The following NOL4 variants were observed in gnomAD, a reference collection of about 807,000 sequenced individuals.
NOL4 encodes nucleolar protein 4.
In NOL4, 17 loss-of-function variants were observed where a neutral mutation model predicts 75.9. The ratio of observed to expected loss-of-function variants is 0.22; its 90% CI spans 0.15 to 0.34. The LOEUF (loss-of-function observed/expected upper bound fraction) is 0.34. NOL4 is among the 10% of genes least tolerant of loss of function. The pLI is 1.00. For missense variants in NOL4, 614 were observed against 793.5 expected (o/e 0.77, Z 2.72); for synonymous variants, 292 against 289.9 (o/e 1.01, Z -0.07).
At chr18:33,960,201 T>G (rs1301947223) in intron 6 of NOL4, among the ~76,000 whole-genome samples, 1 of 152,032 alleles carries the variant, frequency 6.6e-6, no homozygotes, top group African/African-American at 2.4e-5. Context: ...TTTAAATAAT[T>G]TATTAGTGCT....
At chr18:34,178,328 T>A (rs2033736070) in intron 1 of NOL4, among the ~76,000 whole-genome samples, 2 of 151,568 alleles carry the variant, frequency 1.3e-5, no homozygotes, top group Admixed American at 1.3e-4. Context: ...AAGAAGGAAT[T>A]GCGGGGAAGA....
chr18:34,181,213 G>C (rs1002925208), intron 1 of NOL4, among the ~76,000 whole-genome samples: 1 of 151,366 alleles, frequency 6.6e-6, no homozygotes, highest in Admixed American at 6.6e-5. Context: ...GTATTAGAAC[G>C]AAGATAGACA....
intron 1 of NOL4, among the ~76,000 whole-genome samples, chr18:34,155,644 T>C (rs545572942): frequency 6.6e-6 from 1 of 152,182 alleles, no homozygotes; most frequent in Non-Finnish European, 1.5e-5. Flanking sequence ...CAGTGGGTAT[T>C]TATATATTTA....
At chr18:34,037,322 G>A (rs76082245) in intron 5 of NOL4, among the ~76,000 whole-genome samples, 1,995 of 152,048 alleles carry the variant, frequency 0.013, 47 homozygotes, top group African/African-American at 0.046. Context: ...AAGAATTAAT[G>A]TTGTTAAATG....
chr18:33,890,448 C>T (rs1258772496), intron 9 of NOL4, among the ~76,000 whole-genome samples: 4 of 152,012 alleles, frequency 2.6e-5, no homozygotes, highest in African/African-American at 9.7e-5. Context: ...GGCCATACTG[C>T]CCGAGGTAAT....
intron 6 of NOL4, among the ~76,000 whole-genome samples, chr18:34,006,841 G>A (rs528867077): frequency 1.3e-5 from 2 of 152,072 alleles, no homozygotes; most frequent in African/African-American, 4.8e-5. Context: ...ATACCTCGAA[G>A]GGCTGGGGCA....
At chr18:34,047,369 C>T (rs1295273503) in intron 5 of NOL4, among the ~76,000 whole-genome samples, 1 of 152,012 alleles carries the variant, frequency 6.6e-6, no homozygotes, top group Non-Finnish European at 1.5e-5. Context: ...GAAACAATCC[C>T]AGTTTCTAAA....
intron 1 of NOL4, among the ~76,000 whole-genome samples, chr18:34,145,389 CAAATA>C (rs1188222965): frequency 6.6e-6 from 1 of 151,490 alleles, no homozygotes; most frequent in African/African-American, 2.4e-5. Flanking sequence ...AAAACATTTA[CAAATA>C]AAAGCAGTAT....
intron 6 of NOL4, among the ~76,000 whole-genome samples, chr18:34,008,137 T>G (rs1212349423): frequency 6.6e-6 from 1 of 152,008 alleles, no homozygotes; most frequent in Non-Finnish European, 1.5e-5. Context: ...ATTTTTGAGC[T>G]GCAACATTCA....
intron 5 of NOL4, among the ~76,000 whole-genome samples, chr18:34,020,082 T>C (rs1407170125): frequency 6.6e-6 from 1 of 152,136 alleles, no homozygotes; most frequent in African/African-American, 2.4e-5. Flanking sequence ...CAGGAGTAGA[T>C]GCTGGCACTA....
rs2077216921 is a variant in NOL4 at position 34,065,062 on chromosome 18, T to TA, written c.772+28402dup. Among the ~76,000 whole-genome samples the TA allele has an allele frequency of 2.0e-5, 3 of 151,798 alleles. No individual in the cohort carries two copies. The South Asian group carries it at 6.2e-4, about 31-fold the overall frequency. On this transcript the variant is annotated intron_variant, in intron 5 of 10. Transcript: ENST00000261592. ...TTTTGGATTTATTAAAGCAATTCAA[T>TA]AAAAACAGGCAGTCAACTTGAATAA...
intron 9 of NOL4, among the ~76,000 whole-genome samples, chr18:33,915,240 A>G (rs2066643559): frequency 6.6e-6 from 1 of 152,130 alleles, no homozygotes; most frequent in South Asian, 2.1e-4. Context: ...TTAAGGGAAT[A>G]ACTTTGGTGA....
intron 5 of NOL4, among the ~76,000 whole-genome samples, chr18:34,075,501 A>G (rs1488495835): frequency 6.6e-6 from 1 of 152,020 alleles, no homozygotes; most frequent in Non-Finnish European, 1.5e-5. Flanking sequence ...CAGGTTTGGA[A>G]TTTTCCACTT....
intron 9 of NOL4, among the ~76,000 whole-genome samples, chr18:33,911,724 G>A (rs1257267511): frequency 2.0e-5 from 3 of 151,898 alleles, no homozygotes; most frequent in South Asian, 2.1e-4. Flanking sequence ...TGGCTTCTTC[G>A]TTTCTGGGGA....
chr18:34,205,898 C>T lies in NOL4; in HGVS notation c.264+17092G>A, dbSNP rs529804451. Among the ~76,000 whole-genome samples, 25 of 152,208 alleles carry T rather than the reference C, an allele frequency of 1.6e-4. No homozygotes were observed. In the South Asian group the frequency reaches 3.5e-3, roughly 22 times the overall value. ...TTAAGCTTCTGCTTTCACTGAGTTC[C>T]ATTTATTCTTCTTTTTCTCATTTCT... On this transcript the variant is annotated intron_variant, in intron 1 of 10. Transcript: ENST00000261592.
At position 34,055,819 on chromosome 18, in the gene NOL4, G is replaced by A. The variant is rs189626685; in HGVS notation, c.773-36218C>T. Among the ~76,000 whole-genome samples, 521 of 150,004 alleles carry A rather than the reference G, an allele frequency of 3.5e-3. 5 individuals carry two copies. Among genetic ancestry groups the A allele is most frequent in the African/African-American group, 0.012 (475 of 40,786 alleles). On this transcript the variant is annotated intron_variant, in intron 5 of 10. Coordinates refer to ENST00000261592, the MANE Select transcript of NOL4 (RefSeq NM_003787.5). ...TTTCTTCATTCCTTTTTTTTTCTCC[G>A]CTATCTCAATGATTTCAAATGTCCT... is the stretch of plus-strand genomic sequence containing the variant.
At chr18:34,107,226 T>A (rs1308365398) in intron 2 of NOL4, among the ~76,000 whole-genome samples, 1 of 152,156 alleles carries the variant, frequency 6.6e-6, no homozygotes, top group Non-Finnish European at 1.5e-5. Flanking sequence ...TCAATTTTTC[T>A]TGAAATTATT....
chr18:34,207,745 G>C (rs1397715917), intron 1 of NOL4, among the ~76,000 whole-genome samples: 1 of 152,100 alleles, frequency 6.6e-6, no homozygotes, highest in Non-Finnish European at 1.5e-5. Flanking sequence ...ATGGGATTGA[G>C]GCCATCTCCA....
chr18:34,213,982 T>A (rs2036695776), intron 1 of NOL4, among the ~76,000 whole-genome samples: 1 of 152,132 alleles, frequency 6.6e-6, no homozygotes, highest in African/African-American at 2.4e-5. Flanking sequence ...TCCACTTGAG[T>A]TTTTAGTAGG....
Sources: allele counts gnomAD v4.1 joint callset (sites outside exome capture counted in the v4.1 genomes callset), GRCh38; gene constraint gnomAD v4.1.1; transcripts MANE v1.5; gene names NCBI Gene and HGNC (gene_info 2026-07-23, HGNC 2026-07-21).